Variants in HIVEP1 observed in about 807,000 individuals in gnomAD.
HIVEP1 encodes the protein HIVEP zinc finger 1.
HIVEP1 carries 36 observed loss-of-function variants against 180.0 expected under a neutral mutation model. The observed-to-expected ratio is 0.20, with a 90% CI of 0.15 to 0.26. The LOEUF (loss-of-function observed/expected upper bound fraction) is 0.26. HIVEP1 is among the 10% of genes least tolerant of loss of function. HIVEP1 has a pLI of 1.00. For synonymous variants in HIVEP1, 1,239 were observed against 1,239.0 expected (o/e 1.00, Z 0.00); for missense variants, 3,143 against 3,268.7 (o/e 0.96, Z 0.94).
chr6:12,078,317 C>T (rs1338212645), intron 2 of HIVEP1, among the ~76,000 whole-genome samples: 2 of 152,044 alleles, frequency 1.3e-5, no homozygotes, highest in Admixed American at 6.5e-5. Flanking sequence ...AGGCTTGGTG[C>T]TGCCCCGTCT....
the HIVEP1 span, among the ~76,000 whole-genome samples, chr6:12,190,912 T>C: frequency 2.0e-4 from 31 of 152,176 alleles, no homozygotes; most frequent in African/African-American, 7.2e-4. Context: ...TACTGATTGG[T>C]ATATGGGTGT....
rs781034585 is a variant in HIVEP1, at chr6:12,123,510, G to A, written c.3715G>A (p.Val1239Ile). The A allele has an allele frequency of 6.2e-7, 1 of 1,614,016 alleles. No individual in the cohort carries two copies. Among genetic ancestry groups the A allele is most frequent in the African/African-American group, 1.3e-5 (1 of 74,912 alleles). ...QHNIQVPEIL[V>I]TEEPDRDLEA... ...CAACATCCAAGTTCCAGAGATTTTGGTCACAGAAGAACCAGATCGAGACCT... is the reference window on the plus strand; with the variant it reads ...CAACATCCAAGTTCCAGAGATTTTGATCACAGAAGAACCAGATCGAGACCT... Residue 1239 changes from valine to isoleucine, a missense_variant, in exon 4 of 9, where the codon GTC (valine) becomes ATC (isoleucine). Coordinates refer to ENST00000379388, the MANE Select transcript of HIVEP1 (RefSeq NM_002114.4).
At chr6:12,083,823 A>T (rs774499984) in intron 2 of HIVEP1, among the ~76,000 whole-genome samples, 5 of 152,162 alleles carry the variant, frequency 3.3e-5, no homozygotes, top group Admixed American at 6.5e-5. Context: ...GTTGCTGTGA[A>T]AAATTATAAT....
intron 2 of HIVEP1, among the ~76,000 whole-genome samples, chr6:12,051,714 T>C (rs958585445): frequency 1.4e-4 from 12 of 86,954 alleles, no homozygotes; most frequent in African/African-American, 1.5e-4. Flanking sequence ...CATGAATGGG[T>C]ATTACTAAAA....
At chr6:12,173,765 A>G in the HIVEP1 span, among the ~76,000 whole-genome samples, 1 of 152,312 alleles carries the variant, frequency 6.6e-6, no homozygotes, top group African/African-American at 2.4e-5. Context: ...CTTGAAAGAC[A>G]GTATGTTTAG....
intron 2 of HIVEP1, among the ~76,000 whole-genome samples, chr6:12,060,198 T>C (rs1367050295): frequency 6.6e-6 from 1 of 152,248 alleles, no homozygotes; most frequent in Non-Finnish European, 1.5e-5. Context: ...AAACATACTT[T>C]AAAATCTGAC....
chr6:12,016,503 T>C (rs879330277), intron 2 of HIVEP1, among the ~76,000 whole-genome samples: 9 of 152,238 alleles, frequency 5.9e-5, no homozygotes, highest in Non-Finnish European at 8.8e-5. Flanking sequence ...AGAAGTGACT[T>C]AAAAATCAAA....
At chr6:12,020,215 A>G (rs1768093815) in intron 2 of HIVEP1, 1 of 434,440 alleles carries the variant, frequency 2.3e-6, no homozygotes, top group African/African-American at 2.0e-5. Flanking sequence ...AACCAGATAG[A>G]ATCAGTTCTC....
intron 2 of HIVEP1, among the ~76,000 whole-genome samples, chr6:12,018,768 T>C (rs535992024): frequency 1.3e-5 from 2 of 152,232 alleles, no homozygotes; most frequent in South Asian, 4.2e-4. Context: ...GTGAAATAAC[T>C]TGGGGACTCT....
chr6:12,162,536 T>C (rs1453745458), intron 8 of HIVEP1, among the ~76,000 whole-genome samples: 3 of 152,376 alleles, frequency 2.0e-5, no homozygotes, highest in African/African-American at 7.2e-5. Context: ...CTCCATGTGC[T>C]GTGAGTGAGT....
At chr6:12,016,540 A>G (rs1322726230) in intron 2 of HIVEP1, among the ~76,000 whole-genome samples, 1 of 152,018 alleles carries the variant, frequency 6.6e-6, no homozygotes, top group Admixed American at 6.6e-5. Flanking sequence ...GTTTTTTGGT[A>G]AAATCAATTT....
intron 2 of HIVEP1, among the ~76,000 whole-genome samples, chr6:12,042,966 T>C (rs879847194): frequency 1.3e-5 from 2 of 152,176 alleles, no homozygotes; most frequent in Non-Finnish European, 2.9e-5. Context: ...AGTCCATTTT[T>C]CCCCCTACAA....
At chr6:12,050,691 C>T (rs1370779752) in intron 2 of HIVEP1, among the ~76,000 whole-genome samples, 4 of 152,126 alleles carry the variant, frequency 2.6e-5, no homozygotes, top group Non-Finnish European at 4.4e-5. Context: ...GATTAGCTCT[C>T]GCAGTCGGGC....
rs1453995831 is a variant in HIVEP1 at position 12,163,960 on chromosome 6, C to T, written c.7656C>T (p.Pro2552=). 5.0e-6 allele frequency: 8 copies of T among 1,614,094 alleles called. No homozygotes were observed. Among genetic ancestry groups the T allele is most frequent in the Non-Finnish European group, 6.8e-6 (8 of 1,180,016 alleles). The change falls in exon 9 of 9, where the codon CCC becomes CCT. Residue 2552 remains proline (P), a synonymous_variant. Transcript: ENST00000379388. Reference sequence around the variant, plus strand: ...TCCAGATCTTGAACATAGCATTGCCCACCTTAATCCCCTCAGTCAGTCAAG... The same window carrying T: ...TCCAGATCTTGAACATAGCATTGCCTACCTTAATCCCCTCAGTCAGTCAAG... The part of the protein sequence containing the change: ...PGLQILNIAL[P]TLIPSVSQVA...
At chr6:12,026,821 A>G (rs1453518970) in intron 2 of HIVEP1, among the ~76,000 whole-genome samples, 1 of 152,244 alleles carries the variant, frequency 6.6e-6, no homozygotes, top group Non-Finnish European at 1.5e-5. Flanking sequence ...CATCATGTGT[A>G]TGAATAAACC....
intron 2 of HIVEP1, among the ~76,000 whole-genome samples, chr6:12,046,122 T>C (rs1014776698): frequency 1.3e-5 from 2 of 152,220 alleles, no homozygotes; most frequent in African/African-American, 4.8e-5. Flanking sequence ...TGAGAAAAAT[T>C]ACACCTTGAT....
At chr6:12,138,603 G>A (rs1210704605) in intron 7 of HIVEP1, among the ~76,000 whole-genome samples, 1 of 152,144 alleles carries the variant, frequency 6.6e-6, no homozygotes, top group Non-Finnish European at 1.5e-5. Context: ...CCCCAGGGCT[G>A]TGGCCTTTGA....
rs1561963345 is a variant in HIVEP1 at position 12,121,558 on chromosome 6, C to A, written c.1763C>A (p.Ser588Tyr). 1 of 1,614,040 alleles carries A rather than the reference C, an allele frequency of 6.2e-7. No individual in the cohort carries two copies. The highest frequency in any genetic ancestry group is 8.5e-7 in the Non-Finnish European group (1 of 1,180,032). ...GCCATGGATCCCAAGCCTGAACTTT[C>A]TAGTGCACAAAAGCAGAAGGACCTT... ...PKAMDPKPEL[S>Y]SAQKQKDLQV... The change falls in exon 4 of 9, where the codon TCT (serine) becomes TAT (tyrosine). Residue 588 changes from serine to tyrosine, a missense_variant. Coordinates refer to ENST00000379388, the MANE Select transcript of HIVEP1 (RefSeq NM_002114.4). This position sits in a 1 kb window ranked among gnomAD's most constrained non-coding sequence, Gnocchi z 5.3.
At position 12,120,429 on chromosome 6, in the gene HIVEP1, C is replaced by G. The variant is rs774117310; in HGVS notation, c.634C>G (p.Gln212Glu). The G allele has an allele frequency of 5.6e-6, 9 of 1,614,030 alleles. No homozygotes were observed. Among genetic ancestry groups the G allele is most frequent in the Non-Finnish European group, 7.6e-6 (9 of 1,180,018 alleles). ...AMEPELSTLS[Q>E]KGSPCAIKTE... ...GGAGCCAGAACTGAGCACCTTGTCA[C>G]AAAAGGGCTCACCTTGTGCAATTAA... The change falls in exon 4 of 9, where the codon CAA (glutamine) becomes GAA (glutamate). Residue 212 changes from glutamine to glutamate, a missense_variant. This residue lies in a region of HIVEP1 where 306 missense variants were observed against 310.6 expected (regional missense o/e 0.99). Coordinates refer to ENST00000379388, the MANE Select transcript of HIVEP1 (RefSeq NM_002114.4).
Sources: gnomAD v4.1 joint callset for allele counts (sites outside exome capture counted in the v4.1 genomes callset) on GRCh38, gnomAD v4.1.1 for gene constraint, gnomAD v4.1.1 regional missense constraint, Gnocchi (gnomAD v3.1) non-coding constraint, MANE v1.5 for transcripts, NCBI Gene and HGNC (gene_info 2026-07-23, HGNC 2026-07-21) for gene names.